Variants in SYT9 observed in about 807,000 individuals in gnomAD.
SYT9 encodes the protein synaptotagmin-9.
In SYT9, 22 loss-of-function variants were observed where a neutral mutation model predicts 48.4. The observed-to-expected ratio is 0.45, with a 90% CI of 0.32 to 0.65. The LOEUF is 0.65. SYT9 is among the 30% of genes least tolerant of loss of function. The pLI is 0.03. For missense variants in SYT9, 577 were observed against 622.0 expected (o/e 0.93, Z 0.77); for synonymous variants, 265 against 245.0 (o/e 1.08, Z -0.76).
intron 3 of SYT9, among the ~76,000 whole-genome samples, chr11:7,384,673 A>G (rs1850624679): frequency 6.6e-6 from 1 of 152,192 alleles, no homozygotes; most frequent in South Asian, 2.1e-4. Context: ...GCTATCCTGT[A>G]ATAGTGCTAC....
intron 3 of SYT9, among the ~76,000 whole-genome samples, chr11:7,316,206 A>AC (rs1490069118): frequency 6.6e-6 from 1 of 151,946 alleles, no homozygotes; most frequent in African/African-American, 2.4e-5. Context: ...GCCTGAACCC[A>AC]CCATTTAGTT....
chr11:7,311,672 T>C (rs569873653), intron 2 of SYT9, among the ~76,000 whole-genome samples: 2 of 152,322 alleles, frequency 1.3e-5, no homozygotes, highest in African/African-American at 4.8e-5. Context: ...ATTATGGACA[T>C]TTTTTGAAGA....
At chr11:7,345,316 G>T (rs2133995219) in intron 3 of SYT9, among the ~76,000 whole-genome samples, 1 of 152,280 alleles carries the variant, frequency 6.6e-6, no homozygotes, top group Non-Finnish European at 1.5e-5. Flanking sequence ...GGCAGTTTTA[G>T]TTCTTGCCTC....
At chr11:7,456,079 A>T (rs1848146225) in intron 6 of SYT9, among the ~76,000 whole-genome samples, 1 of 152,210 alleles carries the variant, frequency 6.6e-6, no homozygotes, top group African/African-American at 2.4e-5. Context: ...ATTGTATTTG[A>T]TTATACATTT....
intron 1 of SYT9, among the ~76,000 whole-genome samples, chr11:7,294,267 T>C (rs1848749224): frequency 6.6e-6 from 1 of 152,184 alleles, no homozygotes; most frequent in South Asian, 2.1e-4. Context: ...GCATTAAATC[T>C]ATATCATTCC....
intron 1 of SYT9, among the ~76,000 whole-genome samples, chr11:7,269,930 G>T (rs544454155): frequency 1.3e-5 from 2 of 152,228 alleles, no homozygotes; most frequent in Non-Finnish European, 2.9e-5. Context: ...AACCATAAAA[G>T]ACAAGGTTGA....
chr11:7,274,902 C>G (rs1488941921), intron 1 of SYT9, among the ~76,000 whole-genome samples: 1 of 152,146 alleles, frequency 6.6e-6, no homozygotes, highest in Non-Finnish European at 1.5e-5. Flanking sequence ...CCTCAGTCAA[C>G]AAGCATTATT....
intron 1 of SYT9, among the ~76,000 whole-genome samples, chr11:7,274,317 CTTTT>C (rs576480483): frequency 7.2e-5 from 9 of 125,050 alleles, no homozygotes; most frequent in Non-Finnish European, 9.8e-5. Context: ...TGAAGTTCAT[CTTTT>C]TTTTTTTTTT....
intron 1 of SYT9, among the ~76,000 whole-genome samples, chr11:7,294,003 G>A (rs1848741941): frequency 6.6e-6 from 1 of 152,178 alleles, no homozygotes; most frequent in Admixed American, 6.5e-5. Context: ...GGACTAGATG[G>A]CTTATAAACA....
intron 1 of SYT9, among the ~76,000 whole-genome samples, chr11:7,272,222 G>A (rs976803863): frequency 2.6e-5 from 4 of 152,110 alleles, no homozygotes; most frequent in African/African-American, 7.2e-5. Flanking sequence ...ATGACTTTGG[G>A]ACACAGCATG....
intron 1 of SYT9, among the ~76,000 whole-genome samples, chr11:7,243,971 G>C (rs1250917529): frequency 6.6e-6 from 1 of 151,688 alleles, no homozygotes; most frequent in East Asian, 1.9e-4. Flanking sequence ...TCATCTGTTG[G>C]TGGAGGGTAC....
chr11:7,264,715 T>C (rs1848144422), intron 1 of SYT9, among the ~76,000 whole-genome samples: 1 of 151,864 alleles, frequency 6.6e-6, no homozygotes, highest in Admixed American at 6.6e-5. Context: ...ATGAGAGGCA[T>C]GATGGGGAGA....
chr11:7,339,409 T>G (rs995740619), intron 3 of SYT9, among the ~76,000 whole-genome samples: 3 of 152,166 alleles, frequency 2.0e-5, no homozygotes, highest in South Asian at 2.1e-4. Context: ...GATAGCTGGT[T>G]GTTACGCCAG....
At chr11:7,345,186 G>C (rs1015600124) in intron 3 of SYT9, among the ~76,000 whole-genome samples, 1 of 152,102 alleles carries the variant, frequency 6.6e-6, no homozygotes, top group Non-Finnish European at 1.5e-5. Flanking sequence ...CAAATTCTAG[G>C]GGGGATGGCC....
chr11:7,388,143 A>T (rs922441066), intron 3 of SYT9, among the ~76,000 whole-genome samples: 2 of 152,168 alleles, frequency 1.3e-5, no homozygotes, highest in African/African-American at 4.8e-5. Flanking sequence ...AATTTTCTTT[A>T]TGGTAAGGTT....
upstream of SYT9, among the ~76,000 whole-genome samples, chr11:7,249,858 CA>C (rs1464506082): frequency 6.6e-6 from 1 of 152,140 alleles, no homozygotes; most frequent in Non-Finnish European, 1.5e-5. Flanking sequence ...CTACTTTATC[CA>C]AAGGACACTT....
At chr11:7,311,785 C>T (rs141944568) in intron 2 of SYT9, among the ~76,000 whole-genome samples, 1 of 152,172 alleles carries the variant, frequency 6.6e-6, no homozygotes, top group East Asian at 1.9e-4. Context: ...CTGCTGCCTC[C>T]CAGTCCTTTC....
At chr11:7,299,130 AT>A (rs1263197602) in intron 1 of SYT9, among the ~76,000 whole-genome samples, 1 of 152,232 alleles carries the variant, frequency 6.6e-6, no homozygotes, top group Admixed American at 6.5e-5. Context: ...TGACAATAAT[AT>A]ATCTCATGAA....
At chr11:7,260,017 C>A (rs1314979113) in intron 1 of SYT9, among the ~76,000 whole-genome samples, 1 of 152,112 alleles carries the variant, frequency 6.6e-6, no homozygotes, top group Non-Finnish European at 1.5e-5. Context: ...CCACTCCAAC[C>A]TACCCCACCC....
Sources: allele counts gnomAD v4.1 joint callset (sites outside exome capture counted in the v4.1 genomes callset), GRCh38; gene constraint gnomAD v4.1.1; transcripts MANE v1.5; gene names NCBI Gene and HGNC (gene_info 2026-07-23, HGNC 2026-07-21).